The following SRSF11 variants were observed in gnomAD, a reference collection of about 807,000 sequenced individuals.
SRSF11 encodes the protein serine and arginine rich splicing factor 11.
A neutral mutation model predicts 56.0 loss-of-function variants in SRSF11; 9 were observed. The ratio of observed to expected loss-of-function variants is 0.16; its 90% confidence interval spans 0.10 to 0.28. The LOEUF is 0.28. Ranked by LOEUF, SRSF11 falls within the 10% of genes least tolerant of loss-of-function variation. The pLI is 1.00. For missense variants in SRSF11, 421 were observed against 600.7 expected (o/e 0.70, Z 3.13); for synonymous variants, 222 against 215.3 (o/e 1.03, Z -0.27).
At position 70,221,591 on chromosome 1, in the gene SRSF11, T is replaced by C; in HGVS notation, c.-46T>C. ...CTTCCCCCTCCTTCTCACTGTTTGT[T>C]GTGTGTTTGATGTGTTAAAGCAGGA... On this transcript the variant is annotated 5_prime_UTR_variant, in exon 1 of 12. Coordinates refer to ENST00000370949, the MANE Select transcript of SRSF11 (RefSeq NM_001350605.2). The C allele has an allele frequency of 6.4e-7, 1 of 1,569,048 alleles. No homozygotes were observed. Among genetic ancestry groups the C allele is most frequent in the Non-Finnish European group, 8.6e-7 (1 of 1,157,486 alleles).
Position 70,249,972 on chromosome 1 carries a change from G to A in SRSF11, c.1043G>A (p.Ser348Asn), listed in dbSNP as rs914662713. The part of the protein sequence containing the change: ...SASRERRRRR[S>N]RSGTRSPKKP... ...TCTAGAGAGAGACGACGACGAAGAA[G>A]CAGGAGTGGCACAAGATCTCCTAAA... The change falls in exon 10 of 12, where the codon AGC (serine) becomes AAC (asparagine). Residue 348 changes from serine (S) to asparagine (N), a missense_variant. Ser to Asn is a conservative substitution (Grantham distance 46). Transcript: ENST00000370949. 6.2e-7 allele frequency: 1 copy of A among 1,613,988 alleles called. No homozygotes were observed. Among genetic ancestry groups the A allele is most frequent in the Non-Finnish European group, 8.5e-7 (1 of 1,180,008 alleles).
intron 1 of SRSF11, among the ~76,000 whole-genome samples, chr1:70,211,131 T>C (rs1347394444): frequency 6.6e-6 from 1 of 152,156 alleles, no homozygotes; most frequent in East Asian, 1.9e-4. Flanking sequence ...GTTCTCTGAC[T>C]TAAAGTCTCA....
intron 1 of SRSF11, 42 bp from the exon 2 acceptor site, chr1:70,228,379 CT>C: frequency 6.9e-7 from 1 of 1,451,850 alleles, no homozygotes; most frequent in African/African-American, 1.4e-5. Flanking sequence ...TTTGTTTTAA[CT>C]GCTATTCTGT....
chr1:70,250,586 T>G (rs1558238255), intron 11 of SRSF11, 22 bp from the exon 12 acceptor site: 1 of 1,610,686 alleles, frequency 6.2e-7, no homozygotes, highest in Non-Finnish European at 8.5e-7. Context: ...GAAGTTTACT[T>G]TTATTATTCT....
intron 4 of SRSF11, 104 bp from the exon 5 acceptor site, chr1:70,235,397 G>T: frequency 3.4e-6 from 3 of 885,958 alleles, no homozygotes; most frequent in Non-Finnish European, 3.5e-6. Flanking sequence ...ATGTTTCATG[G>T]CATGTAGTCT....
chr1:70,208,570 T>A (rs1177213257), intron 1 of SRSF11, among the ~76,000 whole-genome samples: 1 of 152,198 alleles, frequency 6.6e-6, no homozygotes, highest in African/African-American at 2.4e-5. Context: ...ACTCCTGGCC[T>A]CATGTGATCC....
chr1:70,250,511 T>C lies in SRSF11; in HGVS notation c.1257+8T>C. 6.2e-7 allele frequency: 1 copy of C among 1,606,512 alleles called. No homozygotes were observed. The highest frequency in any genetic ancestry group is 8.5e-7 in the Non-Finnish European group (1 of 1,175,814). On this transcript the variant is annotated splice_region_variant and intron_variant, in intron 11 of 11. Coordinates refer to ENST00000370949, the MANE Select transcript of SRSF11 (RefSeq NM_001350605.2). ...AGTGATAAAGATGTAAAAGTATGTT[T>C]ACAAATTGATTTATTTTTATATTTG...
At position 70,250,949 on chromosome 1, in the gene SRSF11, T is replaced by C. The variant is rs1677867125; in HGVS notation, c.*144T>C. ...GGTTATAAAGCTCCTGTTACTCATA[T>C]TAGTTATTTACATCAAAAAGCTTTT... On this transcript the variant is annotated 3_prime_UTR_variant, in exon 12 of 12. Coordinates refer to ENST00000370949, the MANE Select transcript of SRSF11 (RefSeq NM_001350605.2). 3 of 682,244 alleles carry C rather than the reference T, an allele frequency of 4.4e-6. No homozygotes were observed. Among genetic ancestry groups the C allele is most frequent in the East Asian group, 2.8e-5 (1 of 36,298 alleles). The allele number at this position is 682,244 out of a possible 1,614,324, so 42.3% of individuals were successfully genotyped here. A position where few individuals can be genotyped will look rare whatever the true frequency, so the allele number is the denominator to read the frequency against.
intron 8 of SRSF11, 28 bp downstream of exon 8, chr1:70,244,843 T>G (rs1308425140): frequency 1.2e-6 from 2 of 1,612,770 alleles, no homozygotes; most frequent in Admixed American, 3.3e-5. Flanking sequence ...AAAGCAAATT[T>G]TAGGGTTCCC....
chr1:70,230,420 T>G, intron 2 of SRSF11: 1 of 1,170,326 alleles, frequency 8.5e-7, no homozygotes. Flanking sequence ...AGGAATAGTC[T>G]TAATTGGTAA....
chr1:70,238,032 A>T (rs1015196194), intron 6 of SRSF11, among the ~76,000 whole-genome samples: 2 of 152,170 alleles, frequency 1.3e-5, no homozygotes, highest in African/African-American at 4.8e-5. Flanking sequence ...AATAGATATC[A>T]TATTATCTGC....
intron 2 of SRSF11, chr1:70,231,235 T>C: frequency 8.2e-7 from 1 of 1,226,060 alleles, no homozygotes; most frequent in Non-Finnish European, 1.0e-6. Flanking sequence ...AGTTTCTTAA[T>C]ATGTATTACA....
At chr1:70,223,214 T>C (rs1053669140) in intron 1 of SRSF11, among the ~76,000 whole-genome samples, 79 of 152,190 alleles carry the variant, frequency 5.2e-4, no homozygotes, top group African/African-American at 1.8e-3. Context: ...ATTTTAATAG[T>C]TTTATTAGTG....
At chr1:70,233,221 T>G (rs933256129) in intron 3 of SRSF11, among the ~76,000 whole-genome samples, 6 of 152,006 alleles carry the variant, frequency 3.9e-5, no homozygotes, top group African/African-American at 9.7e-5. Context: ...TTTTGTTTTT[T>G]TTTGTTTGTT....
chr1:70,229,475 A>G (rs1454934044), intron 2 of SRSF11: 2 of 985,122 alleles, frequency 2.0e-6, no homozygotes, highest in Non-Finnish European at 2.4e-6. Flanking sequence ...AAAATTTTCT[A>G]AGGCGTATTT....
chr1:70,243,724 C>T (rs1676082797), intron 7 of SRSF11, among the ~76,000 whole-genome samples: 1 of 152,130 alleles, frequency 6.6e-6, no homozygotes, highest in Admixed American at 6.6e-5. Flanking sequence ...CAAGACTAAG[C>T]AAAGGATTGC....
At chr1:70,214,894 GTTTTTT>G (rs34229824) in intron 1 of SRSF11, among the ~76,000 whole-genome samples, 1 of 125,948 alleles carries the variant, frequency 7.9e-6, no homozygotes, top group Non-Finnish European at 1.6e-5. Flanking sequence ...CTGCAGATAA[GTTTTTT>G]TTTTTTTTTT....
In SRSF11 at chr1:70,228,769, C is replaced by T. The variant is rs1060364; in HGVS notation, c.337+214C>T. 7 of 1,210,564 alleles carry T rather than the reference C, an allele frequency of 5.8e-6. No homozygotes were observed. In the South Asian group the frequency reaches 9.4e-5, roughly 16 times the overall value. 75.0% of individuals were successfully genotyped at this position (1,210,564 alleles called of 1,614,324 possible). On this transcript the variant is annotated intron_variant, in intron 2 of 11. Coordinates refer to ENST00000370949, the MANE Select transcript of SRSF11 (RefSeq NM_001350605.2). ...TTATAAGGTATTTACCTTTTGTTTT[C>T]TTTTAAAACATTTTTAAGTTGTTTA...
intron 7 of SRSF11, 74 bp from the exon 8 acceptor site, chr1:70,244,610 G>T: frequency 2.6e-6 from 4 of 1,509,774 alleles, no homozygotes; most frequent in South Asian, 1.2e-5. Context: ...CGAATCTTTT[G>T]TCTGATACTA....
Sources: gnomAD v4.1 joint callset for allele counts (sites outside exome capture counted in the v4.1 genomes callset) on GRCh38, gnomAD v4.1.1 for gene constraint, MANE v1.5 for transcripts, NCBI Gene and HGNC (gene_info 2026-07-23, HGNC 2026-07-21) for gene names.